SIK2: variants seen among roughly 807,000 people sequenced by gnomAD.
The protein encoded by SIK2 is salt inducible kinase 2.
A neutral mutation model predicts 103.2 loss-of-function variants in SIK2; 29 were observed. The observed-to-expected ratio is 0.28, with a 90% confidence interval of 0.21 to 0.38. The LOEUF (loss-of-function observed/expected upper bound fraction) is 0.38. SIK2 is among the 10% of genes least tolerant of loss of function. The probability of loss-of-function intolerance (pLI) is 1.00; values close to 1 mark genes in which losing one functional copy is unlikely to be tolerated. For synonymous variants in SIK2, 412 were observed against 446.1 expected (o/e 0.92, Z 0.96); for missense variants, 879 against 1,171.0 (o/e 0.75, Z 3.64).
chr11:111,608,946 T>C (rs2135829343), intron 1 of SIK2, among the ~76,000 whole-genome samples: 1 of 152,328 alleles, frequency 6.6e-6, no homozygotes, highest in East Asian at 1.9e-4. Flanking sequence ...AATATTATTT[T>C]CTAAATCTCT....
At chr11:111,643,128 C>A (rs144474187) in intron 3 of SIK2, among the ~76,000 whole-genome samples, 42 of 152,148 alleles carry the variant, frequency 2.8e-4, no homozygotes, top group African/African-American at 9.6e-4. Context: ...TTTCTTCAAC[C>A]CACTGTGATT....
rs1943823973 is a variant in SIK2 at position 111,722,249 on chromosome 11, A to T, written c.2055+309A>T. ...TCTTAATGAGTAACAAATAAAATGA[A>T]AACCTTAAGTCTGCAGAATTTCTAC... On this transcript the variant is annotated intron_variant, in intron 13 of 14. Transcript: ENST00000304987. The surrounding 1 kb of genome is among the most constrained non-coding windows in gnomAD (Gnocchi z 4.4). Among the ~76,000 whole-genome samples, 1 of 152,228 alleles carries T rather than the reference A, an allele frequency of 6.6e-6. No individual in the cohort carries two copies. Among genetic ancestry groups the T allele is most frequent in the African/African-American group, 2.4e-5 (1 of 41,462 alleles).
At position 111,725,545 on chromosome 11, in the gene SIK2, T is replaced by C. The variant is rs562738939; in HGVS notation, c.*1416T>C. On this transcript the variant is annotated 3_prime_UTR_variant, in exon 15 of 15. Transcript: ENST00000304987. ...CAGTTAACATCCAGGTGTTACAAAGTCAGTGTTAATTCTAAAGATGATCAT... is the reference window on the plus strand; with the variant it reads ...CAGTTAACATCCAGGTGTTACAAAGCCAGTGTTAATTCTAAAGATGATCAT... 5 of 152,776 alleles carry C rather than the reference T, an allele frequency of 3.3e-5. No individual in the cohort carries two copies. Among genetic ancestry groups the C allele is most frequent in the Admixed American group, 3.3e-4 (5 of 15,304 alleles). 9.5% of individuals were successfully genotyped at this position (152,776 alleles called of 1,614,324 possible). A position where few individuals can be genotyped will look rare whatever the true frequency, so the allele number is the denominator to read the frequency against.
intron 1 of SIK2, among the ~76,000 whole-genome samples, chr11:111,608,260 T>G (rs1941674381): frequency 6.6e-6 from 1 of 152,196 alleles, no homozygotes; most frequent in African/African-American, 2.4e-5. Flanking sequence ...GAAACTTCAT[T>G]TTAAAAAAAT....
intron 4 of SIK2, among the ~76,000 whole-genome samples, chr11:111,698,276 G>C (rs1178828253): frequency 6.6e-6 from 1 of 152,208 alleles, no homozygotes; most frequent in Non-Finnish European, 1.5e-5. Flanking sequence ...CCAGAGAAGT[G>C]TTCCCAGCTC....
chr11:111,695,910 A>G (rs1320479263), intron 4 of SIK2, among the ~76,000 whole-genome samples: 2 of 152,212 alleles, frequency 1.3e-5, no homozygotes, highest in Non-Finnish European at 1.5e-5. Flanking sequence ...TAATTTAGTG[A>G]TGACAGTGAT....
At chr11:111,659,093 GATACTGATT>G (rs1215243802) in intron 3 of SIK2, among the ~76,000 whole-genome samples, 1 of 152,144 alleles carries the variant, frequency 6.6e-6, no homozygotes. Context: ...CAGTTTGTGT[GATACTGATT>G]ACATGATCAT....
At position 111,726,118 on chromosome 11, in the gene SIK2, G is replaced by A. The variant is rs192718137; in HGVS notation, c.*1989G>A. On this transcript the variant is annotated 3_prime_UTR_variant, in exon 15 of 15. Transcript: ENST00000304987. ...TACAAAATAGCCAGTTATAAAATGG[G>A]GCTTGATTTGTTTAGACTGAAGGAA... 4 of 152,226 alleles carry A rather than the reference G, an allele frequency of 2.6e-5. No individual in the cohort carries two copies. Among genetic ancestry groups the A allele is most frequent in the Admixed American group, 1.3e-4 (2 of 15,298 alleles). The allele number at this position is 152,226 out of a possible 1,614,324, so 9.4% of individuals were successfully genotyped here. A position where few individuals can be genotyped will look rare whatever the true frequency, so the allele number is the denominator to read the frequency against.
intron 3 of SIK2, among the ~76,000 whole-genome samples, chr11:111,648,196 G>A (rs1033115611): frequency 3.3e-5 from 5 of 151,954 alleles, no homozygotes; most frequent in African/African-American, 4.8e-5. Flanking sequence ...TTTCATTTGG[G>A]TTTTTAAATA....
chr11:111,637,731 G>C lies in SIK2; in HGVS notation c.316+17329G>C, dbSNP rs569379203. Among the ~76,000 whole-genome samples, 13 of 151,700 alleles carry C rather than the reference G, an allele frequency of 8.6e-5. No individual in the cohort carries two copies. In the East Asian group the frequency reaches 2.5e-3, roughly 29 times the overall value. On this transcript the variant is annotated intron_variant, in intron 3 of 14. Transcript: ENST00000304987. ...CTCACCTCAGCCTCCCAAAGTGCTG[G>C]GATTACAGGCATGAGCCACTGCACC... is the stretch of plus-strand genomic sequence containing the variant.
chr11:111,704,841 T>G (rs750073986), intron 7 of SIK2, 146 bp from the exon 8 acceptor site: 2 of 866,664 alleles, frequency 2.3e-6, no homozygotes, highest in Non-Finnish European at 3.3e-6. Flanking sequence ...AGTCACATTT[T>G]TGGAGCAGCT....
chr11:111,663,232 CAA>C (rs34283287), intron 3 of SIK2, among the ~76,000 whole-genome samples: 2,044 of 141,512 alleles, frequency 0.014, 43 homozygotes, highest in African/African-American at 0.04. Flanking sequence ...GACCCTATTT[CAA>C]AAAAAAAAAA....
intron 6 of SIK2, among the ~76,000 whole-genome samples, chr11:111,702,745 T>C (rs994618715): frequency 2.0e-5 from 3 of 152,200 alleles, no homozygotes; most frequent in African/African-American, 7.2e-5. Context: ...AAGTAAGTAA[T>C]ATTTTATGTA....
Position 111,703,552 on chromosome 11 carries a change from A to G in SIK2, c.948+129A>G, listed in dbSNP as rs905908664. ...AGGCGTACTGTTCAGTGTTCCCTAT[A>G]GATGACATCAGACTCTATTTATATT... is the stretch of plus-strand genomic sequence containing the variant. On this transcript the variant is annotated intron_variant, in intron 7 of 14. Coordinates refer to ENST00000304987, the MANE Select transcript of SIK2 (RefSeq NM_015191.3). The G allele has an allele frequency of 4.3e-5, 31 of 715,302 alleles. No individual in the cohort carries two copies. In the Admixed American group the frequency reaches 8.1e-4, roughly 19 times the overall value. 44.3% of individuals were successfully genotyped at this position (715,302 alleles called of 1,614,324 possible). A position where few individuals can be genotyped will look rare whatever the true frequency, so the allele number is the denominator to read the frequency against.
At chr11:111,655,788 CTG>C (rs988514716) in intron 3 of SIK2, among the ~76,000 whole-genome samples, 5 of 152,154 alleles carry the variant, frequency 3.3e-5, no homozygotes, top group Non-Finnish European at 7.3e-5. Flanking sequence ...AGACTGAACT[CTG>C]TGGGGGCAAA....
chr11:111,612,938 A>ATATATATATATATG (rs1405134626), intron 1 of SIK2, among the ~76,000 whole-genome samples: 22 of 146,530 alleles, frequency 1.5e-4, no homozygotes, highest in African/African-American at 5.7e-4. Flanking sequence ...ATATATATAT[A>ATATATATATATATG]TATATATATT....
At position 111,724,449 on chromosome 11, in the gene SIK2, A is replaced by G; in HGVS notation, c.*320A>G. On this transcript the variant is annotated 3_prime_UTR_variant, in exon 15 of 15. Transcript: ENST00000304987. ...AGACATTCAGACCCAGGTGTTATGC[A>G]GGATTACATCCGTTTATTATCAAGG... 1 of 343,742 alleles carries G rather than the reference A, an allele frequency of 2.9e-6. No individual in the cohort carries two copies. The highest frequency in any genetic ancestry group is 5.4e-6 in the Non-Finnish European group (1 of 185,030). The allele number at this position is 343,742 out of a possible 1,614,324, so 21.3% of individuals were successfully genotyped here. A position where few individuals can be genotyped will look rare whatever the true frequency, so the allele number is the denominator to read the frequency against.
intron 3 of SIK2, among the ~76,000 whole-genome samples, chr11:111,675,912 A>C (rs1467019161): frequency 6.6e-6 from 1 of 151,898 alleles, no homozygotes; most frequent in Non-Finnish European, 1.5e-5. Flanking sequence ...CCCACCCTCC[A>C]CCCTCAAGTA....
chr11:111,610,619 A>T lies in SIK2; in HGVS notation c.136-5624A>T, dbSNP rs150326252. 9.1e-4 allele frequency among the ~76,000 whole-genome samples: 138 copies of T among 152,130 alleles called. 1 individual carries two copies. The highest frequency in any genetic ancestry group is 3.2e-3 in the African/African-American group (134 of 41,534). On this transcript the variant is annotated intron_variant, in intron 1 of 14. Coordinates refer to ENST00000304987, the MANE Select transcript of SIK2 (RefSeq NM_015191.3). ...CTCCTGTATAAAATTTGTATTTTACATAGTTGTTACTTTCATAGTGTTTTT... is the reference window on the plus strand; with the variant it reads ...CTCCTGTATAAAATTTGTATTTTACTTAGTTGTTACTTTCATAGTGTTTTT...
Sources: allele counts gnomAD v4.1 joint callset (sites outside exome capture counted in the v4.1 genomes callset), GRCh38; gene constraint gnomAD v4.1.1; non-coding constraint Gnocchi (gnomAD v3.1); transcripts MANE v1.5; gene names NCBI Gene and HGNC (gene_info 2026-07-23, HGNC 2026-07-21).